EYA1: variants seen among roughly 807,000 people sequenced by gnomAD.
EYA1 encodes protein phosphatase EYA1.
In EYA1, 16 loss-of-function variants were observed where a neutral mutation model predicts 82.0. The ratio of observed to expected loss-of-function variants is 0.20; its 90% CI spans 0.13 to 0.30. The LOEUF is 0.30. EYA1 is among the 10% of genes least tolerant of loss of function. The pLI is 1.00. For synonymous variants in EYA1, 261 were observed against 264.4 expected, an observed-to-expected ratio of 0.99 and a Z score of 0.12; for missense variants, 633 against 730.7, an observed-to-expected ratio of 0.87 and a Z score of 1.54.
intron 2 of EYA1, among the ~76,000 whole-genome samples, chr8:71,491,175 T>A (rs952182599): frequency 6.6e-6 from 1 of 152,220 alleles, no homozygotes; most frequent in Non-Finnish European, 1.5e-5. Context: ...ATGGCAGCCA[T>A]AGGGCTCGAA....
chr8:71,439,540 T>A (rs1806255319), intron 2 of EYA1, among the ~76,000 whole-genome samples: 1 of 152,244 alleles, frequency 6.6e-6, no homozygotes, highest in Admixed American at 6.5e-5. Flanking sequence ...TAGGGTAGAT[T>A]CATATTTTCT....
Position 71,241,586 on chromosome 8 carries a change from T to C in EYA1, c.1140+3017A>G, listed in dbSNP as rs1585950293. On this transcript the variant is annotated intron_variant, in intron 12 of 17. Coordinates refer to ENST00000340726, the MANE Select transcript of EYA1 (RefSeq NM_000503.6). ...GAAAATAAGACCAAAAGTCAACAAT[T>C]AGAGTTCAGGCATCATACTTCAAGC... Among the ~76,000 whole-genome samples, 3 of 152,236 alleles carry C rather than the reference T, an allele frequency of 2.0e-5. 1 individual carries two copies. In the East Asian group the frequency reaches 5.8e-4, roughly 29 times the overall value.
chr8:71,404,887 CAGCCT>C (rs1830134993), intron 2 of EYA1: 1 of 130,696 alleles, frequency 7.7e-6, no homozygotes, highest in African/African-American at 3.1e-5. Context: ...CAGTGCACTC[CAGCCT>C]GGGCGACAGA....
chr8:71,330,053 C>T (rs1823643156), intron 4 of EYA1, among the ~76,000 whole-genome samples: 1 of 152,082 alleles, frequency 6.6e-6, no homozygotes, highest in Admixed American at 6.5e-5. Context: ...GGGAGCATGT[C>T]TACCACATGG....
chr8:71,255,027 G>C (rs1814236111), intron 11 of EYA1, among the ~76,000 whole-genome samples: 1 of 152,000 alleles, frequency 6.6e-6, no homozygotes, highest in Non-Finnish European at 1.5e-5. Context: ...AAATACTTAG[G>C]AATAAACTTA....
At position 71,361,912 on chromosome 8, in the gene EYA1, A is replaced by G. The variant is rs1186214571; in HGVS notation, c.-320T>C. On this transcript the variant is annotated 5_prime_UTR_variant, in exon 1 of 18. Transcript: ENST00000340726. ...TGTTCCCCAGGAAGAAACCCGCCAC[A>G]GTGGACGGCAACAGGAAGGCTTAAA... 3.0e-6 allele frequency: 3 copies of G among 985,358 alleles called. No individual in the cohort carries two copies. Among genetic ancestry groups the G allele is most frequent in the African/African-American group, 1.7e-5 (1 of 57,250 alleles). The allele number at this position is 985,358 out of a possible 1,614,324, so 61.0% of individuals were successfully genotyped here. A position where few individuals can be genotyped will look rare whatever the true frequency, so the allele number is the denominator to read the frequency against.
chr8:71,304,877 C>T lies in EYA1; in HGVS notation c.557-5157G>A, dbSNP rs184604550. On this transcript the variant is annotated intron_variant, in intron 7 of 17. Transcript: ENST00000340726. ...AGATGGATTTCACCGAAGTTTAGAA[C>T]GCCACAAAGCAAAGGCAAAACAACA... Among the ~76,000 whole-genome samples the T allele has an allele frequency of 1.6e-4, 23 of 142,520 alleles. 2 individuals carry two copies. Among genetic ancestry groups the T allele is most frequent in the Admixed American group, 7.0e-4 (10 of 14,364 alleles). The allele number at this position is 142,520 out of a possible 152,430, so 93.5% of individuals were successfully genotyped here.
chr8:71,397,047 CTTCT>C (rs753889805), intron 2 of EYA1, among the ~76,000 whole-genome samples: 3 of 152,166 alleles, frequency 2.0e-5, no homozygotes, highest in Non-Finnish European at 2.9e-5. Flanking sequence ...AAACAATGGC[CTTCT>C]TTGTCTCTTT....
intron 9 of EYA1, among the ~76,000 whole-genome samples, chr8:71,280,511 T>G (rs1018530797): frequency 1.3e-5 from 2 of 152,230 alleles, no homozygotes; most frequent in African/African-American, 4.8e-5. Flanking sequence ...AGGGAAGGGC[T>G]GGCCAAGGTT....
chr8:71,260,540 A>G (rs560767475), intron 11 of EYA1, among the ~76,000 whole-genome samples: 1 of 152,354 alleles, frequency 6.6e-6, no homozygotes, highest in Non-Finnish European at 1.5e-5. Flanking sequence ...CACAAAGAAT[A>G]TATTATCTTT....
intron 3 of EYA1, among the ~76,000 whole-genome samples, chr8:71,340,184 GA>G (rs1824963343): frequency 1.3e-5 from 2 of 152,122 alleles, no homozygotes; most frequent in African/African-American, 4.8e-5. Context: ...ACTGTCTTCT[GA>G]ATTAAGTTCC....
intron 12 of EYA1, among the ~76,000 whole-genome samples, chr8:71,235,735 T>C (rs927077504): frequency 6.6e-6 from 1 of 152,136 alleles, no homozygotes; most frequent in African/African-American, 2.4e-5. Context: ...ATTCAATAAA[T>C]AGGTATTGAA....
At chr8:71,453,172 G>A (rs868593276) in intron 2 of EYA1, among the ~76,000 whole-genome samples, 1 of 152,196 alleles carries the variant, frequency 6.6e-6, no homozygotes, top group African/African-American at 2.4e-5. Context: ...GGGTATCAGT[G>A]ATTGAAGATC....
chr8:71,270,538 T>C (rs1816396050), intron 10 of EYA1, among the ~76,000 whole-genome samples: 1 of 152,228 alleles, frequency 6.6e-6, no homozygotes, highest in African/African-American at 2.4e-5. Context: ...TACTTCTTCC[T>C]ATTCCCACTC....
chr8:71,281,504 T>C (rs1227440023), intron 9 of EYA1, among the ~76,000 whole-genome samples: 1 of 152,268 alleles, frequency 6.6e-6, no homozygotes, highest in Admixed American at 6.5e-5. Flanking sequence ...TCTGTGAAGA[T>C]GGTGACTGCT....
intron 4 of EYA1, among the ~76,000 whole-genome samples, chr8:71,330,885 G>A (rs949208942): frequency 1.6e-4 from 24 of 150,792 alleles, no homozygotes; most frequent in African/African-American, 2.5e-4. Flanking sequence ...GTATGCATAC[G>A]CATATGTACC....
rs1051213427 is a variant in EYA1 at position 71,204,511 on chromosome 8, T to C, written c.1699-5091A>G. Among the ~76,000 whole-genome samples the C allele has an allele frequency of 5.9e-5, 9 of 152,190 alleles. No individual in the cohort carries two copies. The East Asian group carries it at 1.7e-3, about 29-fold the overall frequency. ...CTGCAGAACTGTTTGCAGTAGTAAA[T>C]ACTGGAAACCATCTAAATGTTCACC... On this transcript the variant is annotated intron_variant, in intron 17 of 17. Transcript: ENST00000340726.
chr8:71,230,614 C>T (rs1180062063), intron 12 of EYA1, among the ~76,000 whole-genome samples: 1 of 152,178 alleles, frequency 6.6e-6, no homozygotes, highest in Admixed American at 6.5e-5. Flanking sequence ...GAACCCAGGT[C>T]TCTCCACCTC....
At position 71,334,071 on chromosome 8, in the gene EYA1, G is replaced by T. The variant is rs150307341; in HGVS notation, c.202+26C>A. 2.5e-3 allele frequency: 3,895 copies of T among 1,546,780 alleles called. 11 individuals carry two copies. The highest frequency in any genetic ancestry group is 3.3e-3 in the Non-Finnish European group (3,715 of 1,118,872). ...ACTAGAAAAAATGCTTGGTGTTGATGTGAAAATCTAATATTTATTCCTTAC... is the reference window on the plus strand; with the variant it reads ...ACTAGAAAAAATGCTTGGTGTTGATTTGAAAATCTAATATTTATTCCTTAC... On this transcript the variant is annotated intron_variant, in intron 4 of 17. Coordinates refer to ENST00000340726, the MANE Select transcript of EYA1 (RefSeq NM_000503.6).
Sources: allele counts gnomAD v4.1 joint callset (sites outside exome capture counted in the v4.1 genomes callset), GRCh38; gene constraint gnomAD v4.1.1; transcripts MANE v1.5; gene names NCBI Gene and HGNC (gene_info 2026-07-23, HGNC 2026-07-21).